The following AVPI1 variants were observed in gnomAD, a reference collection of about 807,000 sequenced individuals.
AVPI1 encodes the protein arginine vasopressin-induced protein 1.
A neutral mutation model predicts 11.9 loss-of-function variants in AVPI1; 9 were observed. The observed-to-expected ratio is 0.76, with a 90% CI of 0.46 to 1.32. The LOEUF is 1.32. Ranked by LOEUF, AVPI1 falls within the 40% of genes most tolerant of loss-of-function variation. AVPI1 has a pLI of 0.00. For missense variants in AVPI1, 207 were observed against 195.8 expected (o/e 1.06, Z -0.34); for synonymous variants, 68 against 78.1 (o/e 0.87, Z 0.68).
chr10:97,677,941 C>A lies in AVPI1; in HGVS notation c.372G>T (p.Lys124Asn), dbSNP rs745481980. ...AGTTCCGGCGGATCCTGGCACTTTT[C>A]TTCCTAGAGTGCAGATACTGCTCAC... ...ASSEQYLHSR[K>N]KSARIRRNWR... The change falls in exon 3 of 3, where the codon AAG becomes AAT. Residue 124 changes from lysine (K) to asparagine (N), a missense_variant. By Grantham distance (94) the Lys-to-Asn change is moderately conservative. Transcript: ENST00000370626. 1 of 1,614,130 alleles carries A rather than the reference C, an allele frequency of 6.2e-7. No homozygotes were observed. The highest frequency in any genetic ancestry group is 8.5e-7 in the Non-Finnish European group (1 of 1,180,014).
intron 1 of AVPI1, among the ~76,000 whole-genome samples, chr10:97,681,415 T>TC (rs2135771347): frequency 6.6e-6 from 1 of 151,810 alleles, no homozygotes; most frequent in South Asian, 2.1e-4. Flanking sequence ...AAACTCCGTC[T>TC]CTACTAAAAA....
chr10:97,680,852 G>C (rs1033305002), intron 1 of AVPI1, among the ~76,000 whole-genome samples: 1 of 152,162 alleles, frequency 6.6e-6, no homozygotes, highest in Non-Finnish European at 1.5e-5. Flanking sequence ...CAGAAGAGGA[G>C]GCTACAAGGG....
intron 1 of AVPI1, among the ~76,000 whole-genome samples, chr10:97,680,655 T>A (rs1445944499): frequency 6.6e-6 from 1 of 152,184 alleles, no homozygotes; most frequent in Non-Finnish European, 1.5e-5. Context: ...ATTTGAAGAT[T>A]GAAGGAAGAC....
At position 97,677,898 on chromosome 10, in the gene AVPI1, TG is replaced by T. The variant is rs2041674120; in HGVS notation, c.414del (p.Thr139GlnfsTer30). ...RIRRNWRKSG[P>X]TSYLHQIRH ...TGTCTGATCTGGTGGAGGTAGCTTG[TG>T]GGGCCTGACTTCCTCCAGTTCCGGC... On this transcript the variant is annotated frameshift_variant, in exon 3 of 3. Transcript: ENST00000370626. LOFTEE classifies it high-confidence loss of function. 6.2e-7 allele frequency: 1 copy of T among 1,614,076 alleles called. No homozygotes were observed. Among genetic ancestry groups the T allele is most frequent in the African/African-American group, 1.3e-5 (1 of 74,936 alleles).
chr10:97,685,604 G>T (rs1483031012), intron 1 of AVPI1, among the ~76,000 whole-genome samples: 1 of 152,120 alleles, frequency 6.6e-6, no homozygotes. Flanking sequence ...GGAGGCTCTG[G>T]CCCAAGGCCT....
chr10:97,678,949 G>T lies in AVPI1; in HGVS notation c.287+670C>A, dbSNP rs1564779890. Among the ~76,000 whole-genome samples the T allele has an allele frequency of 1.7e-3, 67 of 38,880 alleles. 8 individuals carry two copies. The highest frequency in any genetic ancestry group is 0.012 in the East Asian group (19 of 1,538). The allele number at this position is 38,880 out of a possible 152,430, so 25.5% of individuals were successfully genotyped here. A position where few individuals can be genotyped will look rare whatever the true frequency, so the allele number is the denominator to read the frequency against. On this transcript the variant is annotated intron_variant, in intron 2 of 2. Transcript: ENST00000370626. Reference sequence around the variant, plus strand: ...TGTGTGTGTGTGTGTGTGTGTGTGTGTGTGTGTGTGTGTGTGTGTGTGTGT... The same window carrying T: ...TGTGTGTGTGTGTGTGTGTGTGTGTTTGTGTGTGTGTGTGTGTGTGTGTGT...
chr10:97,683,162 T>G (rs2041712916), intron 1 of AVPI1, among the ~76,000 whole-genome samples: 1 of 152,128 alleles, frequency 6.6e-6, no homozygotes, highest in Non-Finnish European at 1.5e-5. Flanking sequence ...GCTTTTATTT[T>G]TATTTTTTTT....
chr10:97,683,803 A>T (rs2041716107), intron 1 of AVPI1, among the ~76,000 whole-genome samples: 1 of 152,254 alleles, frequency 6.6e-6, no homozygotes, highest in African/African-American at 2.4e-5. Context: ...GAGTCGGTTC[A>T]AGCCCTACTT....
At chr10:97,682,993 G>C (rs10882987) in intron 1 of AVPI1, among the ~76,000 whole-genome samples, 29,729 of 152,096 alleles carry the variant, frequency 0.2, 3,239 homozygotes, top group East Asian at 0.4. Context: ...ATTTACTCTG[G>C]ATCAGGCAAT....
intron 1 of AVPI1, among the ~76,000 whole-genome samples, chr10:97,683,465 C>T (rs1432610921): frequency 6.6e-5 from 10 of 152,188 alleles, no homozygotes; most frequent in Non-Finnish European, 1.5e-4. Flanking sequence ...GGTCAGCCCA[C>T]GCTTTTAAAC....
Position 97,677,566 on chromosome 10 carries a change from G to T in AVPI1, c.*303C>A, listed in dbSNP as rs182421335. 3.1e-6 allele frequency: 1 copy of T among 321,206 alleles called. No individual in the cohort carries two copies. Among genetic ancestry groups the T allele is most frequent in the Non-Finnish European group, 5.8e-6 (1 of 171,652 alleles). 19.9% of individuals were successfully genotyped at this position (321,206 alleles called of 1,614,324 possible). Reference sequence around the variant, plus strand: ...TTAGTAGCATGAGTGGTGAAATGCTGCATCTAAGTGCCTGTCACTTTGCTC... The same window carrying T: ...TTAGTAGCATGAGTGGTGAAATGCTTCATCTAAGTGCCTGTCACTTTGCTC... On this transcript the variant is annotated 3_prime_UTR_variant, in exon 3 of 3. Coordinates refer to ENST00000370626, the MANE Select transcript of AVPI1 (RefSeq NM_021732.3).
Position 97,678,006 on chromosome 10 carries a change from C to T in AVPI1, c.307G>A (p.Ala103Thr), listed in dbSNP as rs1486896746. The change falls in exon 3 of 3, where the codon GCA becomes ACA. Residue 103 changes from alanine to threonine, a missense_variant. Transcript: ENST00000370626. ...GTGGCACTCTGTGGGTTGGCCAGTGCAGAGTGGGGCTCCAGGATTCTGCAG... is the reference window on the plus strand; with the variant it reads ...GTGGCACTCTGTGGGTTGGCCAGTGTAGAGTGGGGCTCCAGGATTCTGCAG... ...SRLRILEPHS[A>T]LANPQSATET... The T allele has an allele frequency of 6.2e-7, 1 of 1,613,968 alleles. No individual in the cohort carries two copies. Among genetic ancestry groups the T allele is most frequent in the Non-Finnish European group, 8.5e-7 (1 of 1,179,974 alleles).
intron 1 of AVPI1, among the ~76,000 whole-genome samples, chr10:97,685,888 T>A (rs1484716638): frequency 1.3e-5 from 2 of 152,130 alleles, no homozygotes; most frequent in Non-Finnish European, 2.9e-5. Flanking sequence ...GATCTAGGGA[T>A]AACCCTTTCA....
chr10:97,684,725 C>G (rs551345496), intron 1 of AVPI1, among the ~76,000 whole-genome samples: 2 of 152,238 alleles, frequency 1.3e-5, no homozygotes, highest in African/African-American at 2.4e-5. Flanking sequence ...GTCTTGAACT[C>G]CCGACCTCAA....
At chr10:97,686,728 A>G (rs1199399326) in intron 1 of AVPI1, 38 bp downstream of exon 1, 1 of 152,132 alleles carries the variant, frequency 6.6e-6, no homozygotes, top group African/African-American at 2.4e-5. Context: ...TACCCTCTGC[A>G]CTCCACTGCC....
chr10:97,677,818 A>T lies in AVPI1; in HGVS notation c.*51T>A, dbSNP rs1437794355. 6.2e-7 allele frequency: 1 copy of T among 1,603,986 alleles called. No homozygotes were observed. Among genetic ancestry groups the T allele is most frequent in the Non-Finnish European group, 8.5e-7 (1 of 1,173,700 alleles). Reference sequence around the variant, plus strand: ...AAAGTCTCTCTTCCTTCACCTCCCCAGGCCTTTTGGCAAGAGGGAAGACAC... The same window carrying T: ...AAAGTCTCTCTTCCTTCACCTCCCCTGGCCTTTTGGCAAGAGGGAAGACAC... On this transcript the variant is annotated 3_prime_UTR_variant, in exon 3 of 3. Coordinates refer to ENST00000370626, the MANE Select transcript of AVPI1 (RefSeq NM_021732.3).
At chr10:97,678,927 GT>G (rs2041684159) in intron 2 of AVPI1, among the ~76,000 whole-genome samples, 1 of 25,656 alleles carries the variant, frequency 3.9e-5, no homozygotes, top group African/African-American at 1.5e-4. Context: ...GTGTGTGTGT[GT>G]GTGTGTGTGT....
At chr10:97,678,924 TGTGTGTGTGTGTGTGTGTG>T (rs2041683925) in intron 2 of AVPI1, among the ~76,000 whole-genome samples, 1 of 17,574 alleles carries the variant, frequency 5.7e-5, no homozygotes, top group Admixed American at 6.1e-4. Context: ...TGTGTGTGTG[TGTGTGTGTGTGTGTGTGTG>T]TGTGTGTGTG....
In AVPI1 at chr10:97,679,749, C is replaced by T; in HGVS notation, c.157G>A (p.Glu53Lys). The change falls in exon 2 of 3, where the codon GAA becomes AAA. Residue 53 changes from glutamate (E) to lysine (K), a missense_variant. Physicochemically the swap from Glu to Lys is moderately conservative, Grantham distance 56. Transcript: ENST00000370626. ...CATTCCCAGATGATCTGTGCCCGTT[C>T]CTCGGCCAGCTGGTCCCCGCTGCGT... ...FQRSGDQLAE[E>K]RAQIIWECAG... 1.2e-6 allele frequency: 2 copies of T among 1,614,184 alleles called. No individual in the cohort carries two copies. The highest frequency in any genetic ancestry group is 2.2e-5 in the East Asian group (1 of 44,884).
Sources: allele counts gnomAD v4.1 joint callset (sites outside exome capture counted in the v4.1 genomes callset), GRCh38; gene constraint gnomAD v4.1.1; transcripts MANE v1.5; gene names NCBI Gene and HGNC (gene_info 2026-07-23, HGNC 2026-07-21).